Variants in PLA2G5 observed in about 807,000 individuals in gnomAD.
PLA2G5 encodes the protein phospholipase A2 group V.
In PLA2G5, 12 loss-of-function variants were observed where a neutral mutation model predicts 15.9. The observed-to-expected ratio is 0.76, with a 90% CI of 0.48 to 1.23. The LOEUF is 1.23. PLA2G5 is among the 50% of genes most tolerant of loss of function. The pLI, the probability that PLA2G5 is intolerant of heterozygous loss-of-function variation, is 0.00. For synonymous variants in PLA2G5, 71 were observed against 71.4 expected (o/e 0.99, Z 0.03); for missense variants, 169 against 177.1 (o/e 0.95, Z 0.26).
chr1:20,064,080 G>C (rs1350791589), intron 2 of PLA2G5, among the ~76,000 whole-genome samples: 1 of 152,138 alleles, frequency 6.6e-6, no homozygotes, highest in African/African-American at 2.4e-5. Context: ...CTTTCGCTGA[G>C]TTTCACTTGG....
At chr1:20,086,005 G>A in intron 2 of PLA2G5, 78 bp from the exon 3 acceptor site, 2 of 1,475,708 alleles carry the variant, frequency 1.4e-6, no homozygotes, top group South Asian at 2.4e-5. Flanking sequence ...GGGAGAAAGG[G>A]TAGGAGATGT....
intron 1 of PLA2G5, among the ~76,000 whole-genome samples, chr1:20,049,456 T>A (rs1015487020): frequency 1.3e-5 from 2 of 152,164 alleles, no homozygotes; most frequent in Non-Finnish European, 2.9e-5. Flanking sequence ...AACCCTGATA[T>A]GATTTGGCTC....
chr1:20,075,938 C>T (rs919474286), intron 1 of PLA2G5, among the ~76,000 whole-genome samples: 27 of 150,318 alleles, frequency 1.8e-4, no homozygotes, highest in Admixed American at 1.8e-3. Context: ...GTGGCGCAAC[C>T]TCGGCTCACT....
At chr1:20,031,923 CTTA>C (rs1484385839) in intron 1 of PLA2G5, among the ~76,000 whole-genome samples, 1 of 151,892 alleles carries the variant, frequency 6.6e-6, no homozygotes, top group Non-Finnish European at 1.5e-5. Flanking sequence ...TGTGTACTGT[CTTA>C]TTAGATGTTG....
intron 1 of PLA2G5, among the ~76,000 whole-genome samples, chr1:20,030,469 A>G (rs539544152): frequency 6.6e-6 from 1 of 152,070 alleles, no homozygotes; most frequent in Non-Finnish European, 1.5e-5. Flanking sequence ...CAGTAAATAT[A>G]ATGTATGATC....
At chr1:20,067,857 G>A (rs1227025227), upstream of PLA2G5, among the ~76,000 whole-genome samples, 2 of 152,044 alleles carry the variant, frequency 1.3e-5, no homozygotes, top group African/African-American at 2.4e-5. Context: ...GGTGGCTCAT[G>A]CCTGTAATCC....
chr1:20,043,317 C>G (rs923190478), intron 1 of PLA2G5, among the ~76,000 whole-genome samples: 1 of 152,112 alleles, frequency 6.6e-6, no homozygotes, highest in Non-Finnish European at 1.5e-5. Context: ...AGTTTTTGGA[C>G]AGGTAAAATG....
chr1:20,069,584 C>A (rs1364698848), upstream of PLA2G5, among the ~76,000 whole-genome samples: 3 of 151,830 alleles, frequency 2.0e-5, no homozygotes, highest in Admixed American at 2.0e-4. Context: ...TCGCTGAAGC[C>A]CAGGAAGCCG....
At chr1:20,073,523 T>C (rs2015497832) in intron 1 of PLA2G5, among the ~76,000 whole-genome samples, 1 of 152,228 alleles carries the variant, frequency 6.6e-6, no homozygotes, top group African/African-American at 2.4e-5. Context: ...CTGCTTCTAC[T>C]TCCACATTTA....
At chr1:20,048,802 A>G (rs1326789275) in intron 1 of PLA2G5, among the ~76,000 whole-genome samples, 1 of 152,208 alleles carries the variant, frequency 6.6e-6, no homozygotes, top group East Asian at 1.9e-4. Flanking sequence ...ATCTAGGCAA[A>G]TGATTAAAAT....
Position 20,089,844 on chromosome 1 carries a change from A to C in PLA2G5, c.241A>C (p.Ile81Leu). 6.2e-7 allele frequency: 1 copy of C among 1,614,128 alleles called. No homozygotes were observed. Among genetic ancestry groups the C allele is most frequent in the Non-Finnish European group, 8.5e-7 (1 of 1,179,988 alleles). The stretch of plus-strand genomic sequence containing the variant: ...GCGGCTGGAGGAGAAGGGCTGCAAC[A>C]TTCGCACACAGTCCTACAAATACAG... ...YGRLEEKGCN[I>L]RTQSYKYRFA... The change falls in exon 4 of 5, where the codon ATT becomes CTT. Residue 81 changes from isoleucine (I) to leucine (L), a missense_variant. By Grantham distance (5) the Ile-to-Leu change is conservative (BLOSUM62 2). Coordinates refer to ENST00000375108, the MANE Select transcript of PLA2G5 (RefSeq NM_000929.3).
chr1:20,084,883 C>T lies in PLA2G5; in HGVS notation c.40+13C>T. The T allele has an allele frequency of 6.3e-7, 1 of 1,590,154 alleles. No individual in the cohort carries two copies. Among genetic ancestry groups the T allele is most frequent in the Non-Finnish European group, 8.6e-7 (1 of 1,158,058 alleles). On this transcript the variant is annotated intron_variant, in intron 2 of 4. Coordinates refer to ENST00000375108, the MANE Select transcript of PLA2G5 (RefSeq NM_000929.3). ...TTCCTGGCTTGTAGTAAGTGCTGGC[C>T]CCGTGACCTTCGAATGAACTTTTAC...
At chr1:20,082,370 G>A (rs1009038130) in intron 1 of PLA2G5, among the ~76,000 whole-genome samples, 2 of 151,722 alleles carry the variant, frequency 1.3e-5, no homozygotes, top group Non-Finnish European at 2.9e-5. Flanking sequence ...GTAGTTGTAC[G>A]CATGCTCCCT....
chr1:20,070,433 C>T lies in PLA2G5; in HGVS notation c.-43C>T, dbSNP rs899058962. 4.1e-6 allele frequency: 4 copies of T among 985,344 alleles called. No individual in the cohort carries two copies. The highest frequency in any genetic ancestry group is 4.8e-6 in the Non-Finnish European group (4 of 830,010). The allele number at this position is 985,344 out of a possible 1,614,324, so 61.0% of individuals were successfully genotyped here. On this transcript the variant is annotated 5_prime_UTR_variant, in exon 1 of 5. Coordinates refer to ENST00000375108, the MANE Select transcript of PLA2G5 (RefSeq NM_000929.3). ...AAGGAAGTTGCTCATGGGAGCAGACCTCTAGAGCAGGATTTGAGGCCAGGC... is the reference window on the plus strand; with the variant it reads ...AAGGAAGTTGCTCATGGGAGCAGACTTCTAGAGCAGGATTTGAGGCCAGGC...
intron 1 of PLA2G5, among the ~76,000 whole-genome samples, chr1:20,075,940 C>T (rs929666947): frequency 1.3e-4 from 19 of 147,384 alleles, no homozygotes; most frequent in African/African-American, 4.6e-4. Context: ...GGCGCAACCT[C>T]GGCTCACTGC....
intron 1 of PLA2G5, among the ~76,000 whole-genome samples, chr1:20,052,878 G>A (rs1480297086): frequency 6.6e-6 from 1 of 152,134 alleles, no homozygotes; most frequent in Non-Finnish European, 1.5e-5. Flanking sequence ...CCTTTAGAGA[G>A]GCTAATGCGA....
rs542863328 is a variant in PLA2G5, at chr1:20,090,504, G to A, written c.293-64G>A. On this transcript the variant is annotated intron_variant, in intron 4 of 4. Coordinates refer to ENST00000375108, the MANE Select transcript of PLA2G5 (RefSeq NM_000929.3). ...GCTCCTCGGAGCAGGAAGTCCATGG[G>A]GTCTCTGCTGAGACTGGAGCATGCT... The A allele has an allele frequency of 2.6e-4, 411 of 1,569,608 alleles. 4 individuals carry two copies. In the South Asian group the frequency reaches 4.2e-3, roughly 16 times the overall value.
intron 1 of PLA2G5, among the ~76,000 whole-genome samples, chr1:20,043,551 G>C (rs924719987): frequency 1.3e-5 from 2 of 152,128 alleles, no homozygotes; most frequent in African/African-American, 4.8e-5. Context: ...GATATGAGAG[G>C]AAGATGCAAA....
At chr1:20,081,974 C>A (rs1164219948) in intron 1 of PLA2G5, among the ~76,000 whole-genome samples, 1 of 151,656 alleles carries the variant, frequency 6.6e-6, no homozygotes, top group East Asian at 1.9e-4. Context: ...ATCACTTGAA[C>A]CTGGGAGGTG....
Sources: gnomAD v4.1 joint callset for allele counts (sites outside exome capture counted in the v4.1 genomes callset) on GRCh38, gnomAD v4.1.1 for gene constraint, MANE v1.5 for transcripts, NCBI Gene and HGNC (gene_info 2026-07-23, HGNC 2026-07-21) for gene names.